SPTBN1: variants seen among roughly 807,000 people sequenced by gnomAD.
SPTBN1 encodes spectrin beta chain, non-erythrocytic 1.
SPTBN1 carries 32 observed loss-of-function variants against 266.4 expected under a neutral mutation model. The ratio of observed to expected loss-of-function variants is 0.12; its 90% CI spans 0.09 to 0.16. The LOEUF is 0.16. SPTBN1 is among the 10% of genes least tolerant of loss of function. SPTBN1 has a pLI of 1.00. For synonymous variants in SPTBN1, 1,336 were observed against 1,162.2 expected, an observed-to-expected ratio of 1.15 and a Z score of -3.04; for missense variants, 2,296 against 3,067.1, an observed-to-expected ratio of 0.75 and a Z score of 5.94.
intron 2 of SPTBN1, among the ~76,000 whole-genome samples, chr2:54,594,962 GT>G (rs1558880260): frequency 6.6e-6 from 1 of 150,858 alleles, no homozygotes. Context: ...AGCCTCACAA[GT>G]AGCTGGGATT....
intron 24 of SPTBN1, among the ~76,000 whole-genome samples, chr2:54,648,250 T>A: frequency 6.6e-6 from 1 of 152,200 alleles, no homozygotes; most frequent in African/African-American, 2.4e-5. Context: ...TAGGAGGTTC[T>A]TAAGATGTTC....
chr2:54,663,753 A>G (rs981385283), intron 32 of SPTBN1: 1 of 152,208 alleles, frequency 6.6e-6, no homozygotes, highest in Non-Finnish European at 1.5e-5. Flanking sequence ...AACACAAACT[A>G]CAACCCACTC....
At position 54,558,206 on chromosome 2, in the gene SPTBN1, A is replaced by T; in HGVS notation, c.148+31640A>T. 3.0e-6 allele frequency: 3 copies of T among 985,300 alleles called. No individual in the cohort carries two copies. Among genetic ancestry groups the T allele is most frequent in the Non-Finnish European group, 3.6e-6 (3 of 829,884 alleles). 61.0% of individuals were successfully genotyped at this position (985,300 alleles called of 1,614,324 possible). On this transcript the variant is annotated intron_variant, in intron 2 of 35. Coordinates refer to ENST00000356805, the MANE Select transcript of SPTBN1 (RefSeq NM_003128.3). This position sits in a 1 kb window ranked among gnomAD's most constrained non-coding sequence, Gnocchi z 4.6. ...CGGCGGCTGCCGGGCGGCTGGGGCG[A>T]CCGCGGACCGTGCGGGACCGGTAGG...
At chr2:54,476,371 A>G (rs1425308113) in intron 1 of SPTBN1, among the ~76,000 whole-genome samples, 1 of 152,242 alleles carries the variant, frequency 6.6e-6, no homozygotes, top group East Asian at 1.9e-4. Context: ...ATAACAGAGT[A>G]GGTAATATGG....
intron 1 of SPTBN1, among the ~76,000 whole-genome samples, chr2:54,512,961 G>A (rs1669933487): frequency 1.3e-5 from 2 of 152,232 alleles, no homozygotes; most frequent in Non-Finnish European, 2.9e-5. Flanking sequence ...ACTTTGGGAG[G>A]CTGAGGCGGG....
At chr2:54,618,414 G>A (rs893769331) in intron 7 of SPTBN1, among the ~76,000 whole-genome samples, 7 of 152,142 alleles carry the variant, frequency 4.6e-5, no homozygotes, top group Admixed American at 6.5e-5. Context: ...GAGCGTGTGC[G>A]GGCAGAGCTA....
rs1212758108 is a variant in SPTBN1 at position 54,612,885 on chromosome 2, G to A, written c.474+551G>A. ...AACTCTTGTGTTTCTTTGAATTGATGATGCTTTATGGGTTTTGTTATACTT... is the reference window on the plus strand; with the variant it reads ...AACTCTTGTGTTTCTTTGAATTGATAATGCTTTATGGGTTTTGTTATACTT... On this transcript the variant is annotated intron_variant, in intron 4 of 35. Coordinates refer to ENST00000356805, the MANE Select transcript of SPTBN1 (RefSeq NM_003128.3). 2.0e-5 allele frequency among the ~76,000 whole-genome samples: 3 copies of A among 152,202 alleles called. No individual in the cohort carries two copies. In the East Asian group the frequency reaches 5.8e-4, roughly 29 times the overall value.
At chr2:54,594,689 A>G (rs1185581956) in intron 2 of SPTBN1, among the ~76,000 whole-genome samples, 1 of 152,132 alleles carries the variant, frequency 6.6e-6, no homozygotes, top group Non-Finnish European at 1.5e-5. Flanking sequence ...TGCCACACAC[A>G]CATAATTTCC....
chr2:54,470,378 C>A lies in SPTBN1; in HGVS notation c.-48+13860C>A, dbSNP rs145182980. On this transcript the variant is annotated intron_variant, in intron 1 of 35. Transcript: ENST00000356805. ...GAAACTTTGTTCACGTGAAATAAAC[C>A]TATCTTTAGTGAGTCATACTTGAGA... Among the ~76,000 whole-genome samples the A allele has an allele frequency of 1.4e-4, 22 of 152,274 alleles. No homozygotes were observed. In the East Asian group the frequency reaches 1.7e-3, roughly 12 times the overall value.
intron 4 of SPTBN1, among the ~76,000 whole-genome samples, chr2:54,613,164 G>A (rs1413597139): frequency 6.6e-6 from 1 of 152,124 alleles, no homozygotes. Context: ...TCGTACTCAT[G>A]CGTTCCAATT....
Position 54,671,094 on chromosome 2 carries a change from G to C in SPTBN1, c.*2525G>C, listed in dbSNP as rs1296606962. 3 of 309,808 alleles carry C rather than the reference G, an allele frequency of 9.7e-6. No homozygotes were observed. Among genetic ancestry groups the C allele is most frequent in the African/African-American group, 6.4e-5 (3 of 46,834 alleles). The allele number at this position is 309,808 out of a possible 1,614,324, so 19.2% of individuals were successfully genotyped here. A position where few individuals can be genotyped will look rare whatever the true frequency, so the allele number is the denominator to read the frequency against. ...ATACTGGCCCCTCCATAAATCTGAAGAGTAAGAAGTAGTGAAAATAAGGCT... is the reference window on the plus strand; with the variant it reads ...ATACTGGCCCCTCCATAAATCTGAACAGTAAGAAGTAGTGAAAATAAGGCT... On this transcript the variant is annotated 3_prime_UTR_variant, in exon 36 of 36. Coordinates refer to ENST00000356805, the MANE Select transcript of SPTBN1 (RefSeq NM_003128.3).
At chr2:54,496,669 T>C (rs754609200) in intron 1 of SPTBN1, among the ~76,000 whole-genome samples, 4 of 152,136 alleles carry the variant, frequency 2.6e-5, no homozygotes, top group Non-Finnish European at 5.9e-5. Context: ...TGAAAACATA[T>C]CCATCATCAC....
chr2:54,468,306 C>CA (rs1217830565), intron 1 of SPTBN1, among the ~76,000 whole-genome samples: 3 of 138,432 alleles, frequency 2.2e-5, no homozygotes, highest in East Asian at 2.0e-4. Context: ...GACTCAGTCT[C>CA]AAAAAAAATA....
chr2:54,624,146 T>A (rs1030681631), intron 10 of SPTBN1, among the ~76,000 whole-genome samples: 4 of 150,862 alleles, frequency 2.7e-5, no homozygotes, highest in Non-Finnish European at 5.9e-5. Context: ...CTCATTAAAA[T>A]TTTTTTTTTA....
intron 1 of SPTBN1, among the ~76,000 whole-genome samples, chr2:54,524,888 AC>A (rs1349931252): frequency 3.9e-5 from 6 of 152,318 alleles, no homozygotes; most frequent in African/African-American, 1.4e-4. Context: ...CAGTTTCAGG[AC>A]CCACTCGAGA....
Position 54,649,884 on chromosome 2 carries a change from A to G in SPTBN1, c.5472A>G (p.Lys1824=), listed in dbSNP as rs1205152922. The G allele has an allele frequency of 1.1e-5, 17 of 1,614,094 alleles. No individual in the cohort carries two copies. The highest frequency in any genetic ancestry group is 1.4e-5 in the Non-Finnish European group (17 of 1,180,046). ...AKEIFGRIQD[K]HKKLPEELGR... ...AGATCTTTGGGCGTATACAGGACAA[A>G]CACAAGAAACTCCCTGAGGAGCTTG... Residue 1824 remains lysine (K), a synonymous_variant, in exon 26 of 36, where the codon AAA becomes AAG. Transcript: ENST00000356805. This position sits in a 1 kb window ranked among gnomAD's most constrained non-coding sequence, Gnocchi z 6.7.
At chr2:54,574,617 T>G (rs1372390312) in intron 2 of SPTBN1, among the ~76,000 whole-genome samples, 1 of 152,120 alleles carries the variant, frequency 6.6e-6, no homozygotes, top group African/African-American at 2.4e-5. Context: ...CTGCAGCACT[T>G]GAGTCACAGG....
chr2:54,534,465 AGTT>A (rs1671475996), intron 2 of SPTBN1, among the ~76,000 whole-genome samples: 1 of 152,192 alleles, frequency 6.6e-6, no homozygotes, highest in Non-Finnish European at 1.5e-5. Context: ...TTTATATCCA[AGTT>A]GTTCATGAAA....
chr2:54,477,385 G>A (rs541599899), intron 1 of SPTBN1, among the ~76,000 whole-genome samples: 2 of 150,628 alleles, frequency 1.3e-5, no homozygotes, highest in African/African-American at 2.4e-5. Context: ...CAGACTTTCG[G>A]ATTTGTGGCA....
Sources: allele counts gnomAD v4.1 joint callset (sites outside exome capture counted in the v4.1 genomes callset), GRCh38; gene constraint gnomAD v4.1.1; non-coding constraint Gnocchi (gnomAD v3.1); transcripts MANE v1.5; gene names NCBI Gene and HGNC (gene_info 2026-07-23, HGNC 2026-07-21).